STPG2: variants seen among roughly 807,000 people sequenced by gnomAD.
STPG2 encodes sperm tail PG-rich repeat containing 2, also known as sperm-tail PG-rich repeat-containing protein 2.
Under a neutral mutation model 54.2 loss-of-function variants are expected in STPG2, and 56 were observed. The ratio of observed to expected loss-of-function variants is 1.03; its 90% CI spans 0.83 to 1.29. The LOEUF is 1.29. Ranked by LOEUF, STPG2 falls within the 50% of genes most tolerant of loss-of-function variation. STPG2 has a pLI of 0.00. For missense variants in STPG2, 596 were observed against 544.9 expected (o/e 1.09, Z -0.93); for synonymous variants, 200 against 181.8 (o/e 1.10, Z -0.81).
chr4:98,103,368 G>A (rs749516584), intron 5 of STPG2, among the ~76,000 whole-genome samples: 3 of 152,086 alleles, frequency 2.0e-5, no homozygotes, highest in East Asian at 1.9e-4. Context: ...AGGGCTGGGC[G>A]TGGTGACTCA....
chr4:97,442,947 G>A (rs1729127196), intron 4 of STPG2, among the ~76,000 whole-genome samples: 1 of 152,060 alleles, frequency 6.6e-6, no homozygotes, highest in African/African-American at 2.4e-5. Context: ...TTCATTGAAG[G>A]TATAGGATTT....
chr4:97,473,371 G>A lies in STPG2; in HGVS notation c.462+239328C>T, dbSNP rs182815728. Reference sequence around the variant, plus strand: ...GAATGCGCCCCTGAGGGTAGGCCTCGAAAATGGCCCCCTTGGGTGTGGCCG... The same window carrying A: ...GAATGCGCCCCTGAGGGTAGGCCTCAAAAATGGCCCCCTTGGGTGTGGCCG... On this transcript the variant is annotated intron_variant, in intron 4 of 4. Transcript: ENST00000522676. Among the ~76,000 whole-genome samples the A allele has an allele frequency of 3.4e-4, 51 of 152,178 alleles. No individual in the cohort carries two copies. The East Asian group carries it at 8.5e-3, about 25-fold the overall frequency.
At chr4:97,948,548 T>A (rs1406681749) in intron 7 of STPG2, among the ~76,000 whole-genome samples, 1 of 152,118 alleles carries the variant, frequency 6.6e-6, no homozygotes, top group Non-Finnish European at 1.5e-5. Flanking sequence ...ATGTAGGCAT[T>A]TAGTGCTACA....
chr4:97,481,784 C>T (rs1560627119), intron 4 of STPG2, among the ~76,000 whole-genome samples: 1 of 151,048 alleles, frequency 6.6e-6, no homozygotes, highest in Non-Finnish European at 1.5e-5. Flanking sequence ...TTATTTTTGT[C>T]TGTGAAAAAA....
chr4:97,891,594 T>C (rs1363081663), intron 8 of STPG2, among the ~76,000 whole-genome samples: 1 of 152,086 alleles, frequency 6.6e-6, no homozygotes, highest in Non-Finnish European at 1.5e-5. Context: ...TCTTTTTAAA[T>C]TTGCTTAGGT....
intron 9 of STPG2, among the ~76,000 whole-genome samples, chr4:97,803,821 G>A (rs1451454045): frequency 6.6e-6 from 1 of 152,146 alleles, no homozygotes. Context: ...AATTACAGGC[G>A]TGAGCCACCA....
intron 5 of STPG2, among the ~76,000 whole-genome samples, chr4:97,983,185 T>C (rs1167583897): frequency 6.6e-6 from 1 of 152,244 alleles, no homozygotes; most frequent in Non-Finnish European, 1.5e-5. Context: ...AAGAGCTTTA[T>C]AGTAATTTAC....
intron 9 of STPG2, among the ~76,000 whole-genome samples, chr4:97,832,267 A>C (rs1043109745): frequency 6.6e-6 from 1 of 152,296 alleles, no homozygotes; most frequent in South Asian, 2.1e-4. Flanking sequence ...AATGACCAAA[A>C]AAAAGCACAT....
rs185799282 is a variant in STPG2 at position 97,523,281 on chromosome 4, G to A, written c.462+189418C>T. Among the ~76,000 whole-genome samples, 136 of 151,706 alleles carry A rather than the reference G, an allele frequency of 9.0e-4. 1 individual carries two copies. The highest frequency in any genetic ancestry group is 2.5e-3 in the South Asian group (12 of 4,814). On this transcript the variant is annotated intron_variant, in intron 4 of 4. Coordinates refer to the STPG2 transcript ENST00000522676. Reference sequence around the variant, plus strand: ...ATAGAGTCTCTTCTACCCCCAAGCCGGATAAATATTTTAAGTACGTAGTCT... The same window carrying A: ...ATAGAGTCTCTTCTACCCCCAAGCCAGATAAATATTTTAAGTACGTAGTCT...
intron 5 of STPG2, among the ~76,000 whole-genome samples, chr4:98,004,930 T>C (rs1172420590): frequency 6.6e-6 from 1 of 151,886 alleles, no homozygotes. Context: ...TCCTATTTTG[T>C]AGGTTGTCCC....
Position 97,695,446 on chromosome 4 carries a change from C to T in STPG2, c.1320+17253G>A, listed in dbSNP as rs181011936. Among the ~76,000 whole-genome samples, 18 of 152,296 alleles carry T rather than the reference C, an allele frequency of 1.2e-4. No individual in the cohort carries two copies. The South Asian group carries it at 1.2e-3, about 11-fold the overall frequency. On this transcript the variant is annotated intron_variant, in intron 10 of 10. Transcript: ENST00000295268. ...TGAGAACTGGAACAAGACAAGGATGCGCACTTTCACCACTTCTATTCAACA... is the reference window on the plus strand; with the variant it reads ...TGAGAACTGGAACAAGACAAGGATGTGCACTTTCACCACTTCTATTCAACA...
At chr4:97,637,805 C>G (rs1261867965) in intron 10 of STPG2, among the ~76,000 whole-genome samples, 5 of 152,112 alleles carry the variant, frequency 3.3e-5, no homozygotes, top group Non-Finnish European at 7.3e-5. Context: ...AGGACCTCTT[C>G]AAGGAGAACT....
chr4:97,605,823 A>T (rs1483453882), intron 10 of STPG2, among the ~76,000 whole-genome samples: 4 of 151,608 alleles, frequency 2.6e-5, no homozygotes, highest in Non-Finnish European at 5.9e-5. Context: ...AAAAAAGAAA[A>T]AAAAAATCTG....
At chr4:97,851,078 C>A (rs1254510401) in intron 8 of STPG2, among the ~76,000 whole-genome samples, 1 of 152,136 alleles carries the variant, frequency 6.6e-6, no homozygotes, top group African/African-American at 2.4e-5. Context: ...AATTCATTAG[C>A]TCTTTCAGCT....
chr4:97,584,121 C>T (rs1484946110), intron 10 of STPG2, among the ~76,000 whole-genome samples: 1 of 151,904 alleles, frequency 6.6e-6, no homozygotes, highest in Non-Finnish European at 1.5e-5. Flanking sequence ...AGATACACCA[C>T]ATGATAGACC....
chr4:98,017,834 T>C (rs924367634), intron 5 of STPG2, among the ~76,000 whole-genome samples: 1 of 151,990 alleles, frequency 6.6e-6, no homozygotes, highest in African/African-American at 2.4e-5. Flanking sequence ...TCTCATGATA[T>C]CTGATGGTTT....
chr4:98,018,413 A>T (rs1345642534), intron 5 of STPG2, among the ~76,000 whole-genome samples: 2 of 152,128 alleles, frequency 1.3e-5, no homozygotes, highest in Admixed American at 6.5e-5. Context: ...AATCCAGTCT[A>T]TCATTGTTGG....
At position 97,802,811 on chromosome 4, in the gene STPG2, C is replaced by A. The variant is rs568925808; in HGVS notation, c.1204+37962G>T. Reference sequence around the variant, plus strand: ...TAAACCACGTATACATATTGACACACACATGCACACGACCACATACACACT... The same window carrying A: ...TAAACCACGTATACATATTGACACAAACATGCACACGACCACATACACACT... On this transcript the variant is annotated intron_variant, in intron 9 of 10. Transcript: ENST00000295268. Among the ~76,000 whole-genome samples the A allele has an allele frequency of 9.2e-5, 14 of 152,266 alleles. No individual in the cohort carries two copies. In the South Asian group the frequency reaches 2.7e-3, roughly 29 times the overall value.
intron 9 of STPG2, among the ~76,000 whole-genome samples, chr4:97,818,047 C>T (rs1460882105): frequency 6.6e-6 from 1 of 151,742 alleles, no homozygotes; most frequent in Non-Finnish European, 1.5e-5. Context: ...AGTCCAAAGG[C>T]CTCTTTTCAT....
Sources: gnomAD v4.1 joint callset for allele counts (sites outside exome capture counted in the v4.1 genomes callset) on GRCh38, gnomAD v4.1.1 for gene constraint, MANE v1.5 for transcripts, NCBI Gene and HGNC (gene_info 2026-07-23, HGNC 2026-07-21) for gene names.